KLHL25: variants seen among roughly 807,000 people sequenced by gnomAD.
KLHL25 encodes the protein kelch like family member 25.
In KLHL25, 41 loss-of-function variants were observed where a neutral mutation model predicts 30.0. That is an observed-to-expected ratio of 1.37 (90% CI 1.07 to 1.78). KLHL25 has a LOEUF of 1.78. Among genes scored for constraint, KLHL25 ranks in the 40% most tolerant of loss-of-function variants. KLHL25 has a pLI of 0.00. For missense variants in KLHL25, 971 were observed against 824.5 expected, an observed-to-expected ratio of 1.18 and a Z score of -2.18; for synonymous variants, 399 against 355.3, an observed-to-expected ratio of 1.12 and a Z score of -1.38.
At chr15:85,780,262 A>T (rs1428734098) in intron 1 of KLHL25, among the ~76,000 whole-genome samples, 1 of 152,240 alleles carries the variant, frequency 6.6e-6, no homozygotes, top group Non-Finnish European at 1.5e-5. Flanking sequence ...CAGAGGGGAC[A>T]AAGAACTCAG....
At chr15:85,776,172 CAAA>C (rs60382493) in intron 1 of KLHL25, among the ~76,000 whole-genome samples, 4 of 127,354 alleles carry the variant, frequency 3.1e-5, no homozygotes, top group African/African-American at 6.0e-5. Context: ...GACTCTGTCT[CAAA>C]AAAAAAAAAA....
At chr15:85,776,462 C>T (rs2089709776) in intron 1 of KLHL25, among the ~76,000 whole-genome samples, 1 of 152,066 alleles carries the variant, frequency 6.6e-6, no homozygotes, top group African/African-American at 2.4e-5. Context: ...GCACTCCAGC[C>T]TGGGCGACAG....
chr15:85,775,489 T>A (rs2089703629), intron 1 of KLHL25, among the ~76,000 whole-genome samples: 1 of 152,060 alleles, frequency 6.6e-6, no homozygotes, highest in African/African-American at 2.4e-5. Context: ...GGAGTCAGGA[T>A]TCCACCAACA....
intron 1 of KLHL25, among the ~76,000 whole-genome samples, chr15:85,779,147 G>T (rs566053622): frequency 6.6e-6 from 1 of 151,944 alleles, no homozygotes; most frequent in South Asian, 2.1e-4. Flanking sequence ...TCCAGCCCGG[G>T]GCAGGTGCAG....
In KLHL25 at chr15:85,769,383, TTCTTC is replaced by T; in HGVS notation, c.423_427del (p.Lys142ProfsTer23). 1 of 1,614,012 alleles carries T rather than the reference TTCTTC, an allele frequency of 6.2e-7. No individual in the cohort carries two copies. The highest frequency in any genetic ancestry group is 8.5e-7 in the Non-Finnish European group (1 of 1,180,000). ...GCCCAGGCAGTTGGAGGGGAAAAGG[TTCTTC>T]TCCAGGAACTCGGCGGCAGCATCCC... On this transcript the variant is annotated frameshift_variant, in exon 2 of 3. Coordinates refer to ENST00000337975, the MANE Select transcript of KLHL25 (RefSeq NM_022480.4). LOFTEE classifies it high-confidence loss of function.
In KLHL25 at chr15:85,769,341, T is replaced by G. The variant is rs1597273523; in HGVS notation, c.470A>C (p.Asp157Ala). The G allele has an allele frequency of 6.2e-7, 1 of 1,614,020 alleles. No individual in the cohort carries two copies. The highest frequency in any genetic ancestry group is 8.5e-7 in the Non-Finnish European group (1 of 1,180,000). The change falls in exon 2 of 3, where the codon GAC (aspartate) becomes GCC (alanine). Residue 157 changes from aspartate to alanine, a missense_variant. By Grantham distance (126) the Asp-to-Ala change is moderately radical. Transcript: ENST00000337975. ...ATACAGCCGGCGGCACTGGTGGGCG[T>G]CCGAGAGCAGCATCATGCCCAGGCA... ...SNCLGMMLLS[D>A]AHQCRRLYEF...
intron 1 of KLHL25, among the ~76,000 whole-genome samples, chr15:85,772,078 C>G (rs1458399397): frequency 6.6e-6 from 1 of 152,200 alleles, no homozygotes; most frequent in African/African-American, 2.4e-5. Context: ...CAGACCACCC[C>G]CTTGGTGATC....
chr15:85,793,504 C>T (rs1220019148), intron 1 of KLHL25, among the ~76,000 whole-genome samples: 1 of 152,144 alleles, frequency 6.6e-6, no homozygotes, highest in Non-Finnish European at 1.5e-5. Flanking sequence ...CTTCCCCAGA[C>T]CCCCACGCAA....
At chr15:85,767,538 C>A (rs573507362) in intron 2 of KLHL25, among the ~76,000 whole-genome samples, 1 of 152,342 alleles carries the variant, frequency 6.6e-6, no homozygotes, top group South Asian at 2.1e-4. Context: ...TAATCTGTAT[C>A]TTTCCCCTAT....
chr15:85,790,200 T>C (rs2089807363), intron 1 of KLHL25, among the ~76,000 whole-genome samples: 1 of 152,218 alleles, frequency 6.6e-6, no homozygotes, highest in Non-Finnish European at 1.5e-5. Flanking sequence ...GTGATTCTCC[T>C]GCCTCAGCCT....
In KLHL25 at chr15:85,794,393, C is replaced by T. The variant is rs558032831; in HGVS notation, c.-11+373G>A. ...CGCCGCTCGCGTCCTCAAAGACAAG[C>T]AGTCTCTCTTTCCAGGATCAATAGT... On this transcript the variant is annotated intron_variant, in intron 1 of 2. Coordinates refer to ENST00000337975, the MANE Select transcript of KLHL25 (RefSeq NM_022480.4). Among the ~76,000 whole-genome samples the T allele has an allele frequency of 3.9e-5, 6 of 152,354 alleles. No homozygotes were observed. The East Asian group carries it at 5.8e-4, about 15-fold the overall frequency.
chr15:85,785,342 C>A (rs1442773621), intron 1 of KLHL25, among the ~76,000 whole-genome samples: 1 of 152,202 alleles, frequency 6.6e-6, no homozygotes, highest in Non-Finnish European at 1.5e-5. Context: ...ATCTGCCTGC[C>A]TCAGCCTCCC....
At chr15:85,792,070 G>C (rs537192431) in intron 1 of KLHL25, among the ~76,000 whole-genome samples, 2 of 152,328 alleles carry the variant, frequency 1.3e-5, no homozygotes, top group South Asian at 2.1e-4. Flanking sequence ...AAGATGACAG[G>C]TGTCAGCTTT....
rs778762814 is a variant in KLHL25 at position 85,768,739 on chromosome 15, C to T, written c.1072G>A (p.Val358Ile). 4 of 1,613,198 alleles carry T rather than the reference C, an allele frequency of 2.5e-6. No individual in the cohort carries two copies. In the Admixed American group the frequency reaches 6.7e-5, roughly 27 times the overall value. The change falls in exon 2 of 3, where the codon GTC becomes ATC. Residue 358 changes from valine (V) to isoleucine (I), a missense_variant. By Grantham distance (29) the Val-to-Ile change is conservative. Coordinates refer to ENST00000337975, the MANE Select transcript of KLHL25 (RefSeq NM_022480.4). The stretch of plus-strand genomic sequence containing the variant: ...TCATGTACGGTGTCGTACACCCAGA[C>T]ATCCTTGGAGACCCCGTTCTCGGAG... ...RGSENGVSKD[V>I]WVYDTVHEEW... is the part of the protein sequence containing the mutation.
intron 1 of KLHL25, among the ~76,000 whole-genome samples, chr15:85,779,657 C>G (rs556021107): frequency 6.6e-6 from 1 of 152,262 alleles, no homozygotes; most frequent in African/African-American, 2.4e-5. Flanking sequence ...CTGGTTTTAC[C>G]TCAACTTTTC....
chr15:85,764,505 T>TG (rs780316687), intron 2 of KLHL25: 9 of 152,324 alleles, frequency 5.9e-5, no homozygotes, highest in Admixed American at 1.3e-4. Context: ...GGCTCTGGGA[T>TG]GACAGGGTCT....
intron 1 of KLHL25, among the ~76,000 whole-genome samples, chr15:85,783,334 T>C (rs1483082194): frequency 4.0e-5 from 6 of 151,842 alleles, no homozygotes. Flanking sequence ...CCTCAGGTGA[T>C]CCACCTGCCT....
chr15:85,768,368 A>T lies in KLHL25; in HGVS notation c.1443T>A (p.Pro481=). 6.2e-7 allele frequency: 1 copy of T among 1,613,746 alleles called. No homozygotes were observed. The highest frequency in any genetic ancestry group is 8.5e-7 in the Non-Finnish European group (1 of 1,180,022). Residue 481 remains proline (P), a synonymous_variant, in exon 2 of 3, where the codon CCT becomes CCA. Transcript: ENST00000337975. The part of the protein sequence containing the change: ...RWTIKAECPQ[P]WRYTAAAVLG... ...GGACGGCAGCGGCTGTGTACCGCCA[A>T]GGCTGGGGGCACTCGGCCTTGATCG...
At chr15:85,784,874 A>C (rs960886319) in intron 1 of KLHL25, among the ~76,000 whole-genome samples, 1 of 152,226 alleles carries the variant, frequency 6.6e-6, no homozygotes, top group Admixed American at 6.5e-5. Flanking sequence ...AGAACTGTGC[A>C]TTAATCAATA....
Sources: allele counts gnomAD v4.1 joint callset (sites outside exome capture counted in the v4.1 genomes callset), GRCh38; gene constraint gnomAD v4.1.1; transcripts MANE v1.5; gene names NCBI Gene and HGNC (gene_info 2026-07-23, HGNC 2026-07-21).